The following UBR1 variants were observed in gnomAD, a reference collection of about 807,000 sequenced individuals.
UBR1 encodes ubiquitin protein ligase E3 component n-recognin 1.
Under a neutral mutation model 242.1 loss-of-function variants are expected in UBR1, and 102 were observed. The observed-to-expected ratio is 0.42, with a 90% CI of 0.36 to 0.50. UBR1 has a LOEUF of 0.50. Ranked by LOEUF, UBR1 falls within the 20% of genes least tolerant of loss-of-function variation. The pLI, the probability that UBR1 is intolerant of heterozygous loss-of-function variation, is 0.01. For synonymous variants in UBR1, 675 were observed against 684.8 expected (o/e 0.99, Z 0.22); for missense variants, 1,772 against 2,101.8 (o/e 0.84, Z 3.07).
chr15:43,098,236 G>A (rs2034183428), intron 1 of UBR1, among the ~76,000 whole-genome samples: 1 of 152,146 alleles, frequency 6.6e-6, no homozygotes, highest in Admixed American at 6.5e-5. Context: ...TGTCTTTTAT[G>A]GATGTGGTTC....
chr15:42,985,486 G>A (rs967398261), intron 35 of UBR1, among the ~76,000 whole-genome samples: 15 of 151,932 alleles, frequency 9.9e-5, no homozygotes, highest in Admixed American at 9.2e-4. Flanking sequence ...CTCAGTAGCT[G>A]GGATTACAGG....
chr15:43,061,180 A>G (rs185501268), intron 6 of UBR1, among the ~76,000 whole-genome samples: 30 of 152,342 alleles, frequency 2.0e-4, no homozygotes, highest in Admixed American at 1.5e-3. Context: ...GATGGGAGAC[A>G]GGACTAGATT....
intron 25 of UBR1, among the ~76,000 whole-genome samples, chr15:43,023,687 C>A (rs575241226): frequency 1.5e-4 from 22 of 143,674 alleles, no homozygotes; most frequent in African/African-American, 5.7e-4. Context: ...TCACCTATTA[C>A]AGTGGCAAAA....
chr15:42,957,458 A>G (rs1001453598), intron 44 of UBR1, among the ~76,000 whole-genome samples: 2 of 152,236 alleles, frequency 1.3e-5, no homozygotes, highest in Non-Finnish European at 2.9e-5. Context: ...TTTTGAATAC[A>G]TTAAATGCCA....
intron 12 of UBR1, among the ~76,000 whole-genome samples, chr15:43,050,661 T>C (rs1222607504): frequency 6.6e-6 from 1 of 150,584 alleles, no homozygotes; most frequent in African/African-American, 2.5e-5. Flanking sequence ...GAGACTGAGG[T>C]TGCAGTGAGC....
chr15:42,949,725 GGAGGCA>G (rs2031797632), intron 46 of UBR1, among the ~76,000 whole-genome samples: 1 of 151,726 alleles, frequency 6.6e-6, no homozygotes, highest in African/African-American at 2.4e-5. Flanking sequence ...CTTGAACCCA[GGAGGCA>G]GAGGTTGCAG....
chr15:42,993,768 G>C (rs2032592082), intron 33 of UBR1, among the ~76,000 whole-genome samples: 1 of 151,966 alleles, frequency 6.6e-6, no homozygotes, highest in African/African-American at 2.4e-5. Context: ...CACCTGGGAG[G>C]CGGTGGTTGC....
At chr15:43,104,138 T>C (rs1318182558) in intron 1 of UBR1, among the ~76,000 whole-genome samples, 2 of 152,174 alleles carry the variant, frequency 1.3e-5, no homozygotes, top group South Asian at 4.1e-4. Flanking sequence ...ACCTACTACT[T>C]TGCAAAACCC....
At chr15:42,957,221 A>G (rs2031935158) in intron 44 of UBR1, among the ~76,000 whole-genome samples, 1 of 152,226 alleles carries the variant, frequency 6.6e-6, no homozygotes, top group Non-Finnish European at 1.5e-5. Context: ...GACATATGCT[A>G]CGACTCGGAT....
intron 15 of UBR1, among the ~76,000 whole-genome samples, chr15:43,040,171 A>G (rs993306491): frequency 6.6e-6 from 1 of 152,200 alleles, no homozygotes; most frequent in Admixed American, 6.5e-5. Flanking sequence ...ACAAAGCTGG[A>G]GGCATCATGC....
At chr15:43,019,992 G>T (rs1023614305) in intron 27 of UBR1, among the ~76,000 whole-genome samples, 7 of 151,852 alleles carry the variant, frequency 4.6e-5, no homozygotes, top group Admixed American at 2.0e-4. Context: ...CGTCTCCAAA[G>T]GCAATGCTAT....
At chr15:43,054,509 T>A (rs1222816774) in intron 12 of UBR1, among the ~76,000 whole-genome samples, 1 of 152,214 alleles carries the variant, frequency 6.6e-6, no homozygotes, top group African/African-American at 2.4e-5. Flanking sequence ...GATCCCAAGT[T>A]CCTGTAATGG....
intron 1 of UBR1, among the ~76,000 whole-genome samples, chr15:43,096,325 C>T (rs1015218775): frequency 4.6e-5 from 7 of 151,972 alleles, no homozygotes; most frequent in African/African-American, 7.3e-5. Context: ...AGGCGCCTGG[C>T]TCATTTTTGT....
At chr15:42,957,793 G>T (rs545986635) in intron 44 of UBR1, among the ~76,000 whole-genome samples, 2 of 152,190 alleles carry the variant, frequency 1.3e-5, no homozygotes, top group South Asian at 4.2e-4. Context: ...GAAGAGCCCA[G>T]GAGTTTGAGG....
At chr15:43,036,345 G>A (rs1451956317) in intron 18 of UBR1, 66 bp from the exon 19 acceptor site, 1 of 1,463,700 alleles carries the variant, frequency 6.8e-7, no homozygotes, top group Non-Finnish European at 9.6e-7. Flanking sequence ...TCTCATGTAG[G>A]ACTGTCAAAA....
chr15:43,030,778 T>G (rs975749050), intron 20 of UBR1, among the ~76,000 whole-genome samples: 3 of 152,204 alleles, frequency 2.0e-5, no homozygotes, highest in African/African-American at 7.2e-5. Context: ...TTTTCAACAC[T>G]ACAGTATCTG....
Position 42,994,376 on chromosome 15 carries a change from T to C in UBR1, c.3757+3792A>G, listed in dbSNP as rs538112580. Reference sequence around the variant, plus strand: ...CAGCCTGGGCAACACAGCAAGACGCTGTCTCAAAAAAAAAAAAAAAAAAAA... The same window carrying C: ...CAGCCTGGGCAACACAGCAAGACGCCGTCTCAAAAAAAAAAAAAAAAAAAA... On this transcript the variant is annotated intron_variant, in intron 33 of 46. Coordinates refer to ENST00000290650, the MANE Select transcript of UBR1 (RefSeq NM_174916.3). Among the ~76,000 whole-genome samples the C allele has an allele frequency of 3.0e-4, 20 of 66,574 alleles. 1 individual carries two copies. The highest frequency in any genetic ancestry group is 1.1e-3 in the African/African-American group (20 of 18,390). 43.7% of individuals were successfully genotyped at this position (66,574 alleles called of 152,430 possible).
At chr15:43,009,688 T>C (rs2032888377) in intron 29 of UBR1, among the ~76,000 whole-genome samples, 1 of 152,202 alleles carries the variant, frequency 6.6e-6, no homozygotes, top group Non-Finnish European at 1.5e-5. Flanking sequence ...TCATCAATAG[T>C]ATGTAGTAGA....
chr15:42,987,283 G>A (rs2032480726), intron 35 of UBR1, among the ~76,000 whole-genome samples: 1 of 152,236 alleles, frequency 6.6e-6, no homozygotes. Flanking sequence ...ACTCATAGGA[G>A]CCCTCTGAGG....
Sources: gnomAD v4.1 joint callset for allele counts (sites outside exome capture counted in the v4.1 genomes callset) on GRCh38, gnomAD v4.1.1 for gene constraint, MANE v1.5 for transcripts, NCBI Gene and HGNC (gene_info 2026-07-23, HGNC 2026-07-21) for gene names.